The following IMMP2L variants were observed in gnomAD, a reference collection of about 807,000 sequenced individuals.
IMMP2L encodes inner mitochondrial membrane peptidase subunit 2, also known as mitochondrial inner membrane protease subunit 2.
A neutral mutation model predicts 19.3 loss-of-function variants in IMMP2L; 18 were observed. The observed-to-expected ratio is 0.93, with a 90% CI of 0.64 to 1.38. IMMP2L has a LOEUF of 1.38. Ranked by LOEUF, IMMP2L falls within the 40% of genes most tolerant of loss-of-function variation. The pLI, the probability that IMMP2L is intolerant of heterozygous loss-of-function variation, is 0.00. For missense variants in IMMP2L, 233 were observed against 218.2 expected (o/e 1.07, Z -0.43); for synonymous variants, 76 against 73.0 (o/e 1.04, Z -0.21).
At chr7:110,809,672 C>T (rs572801267) in intron 5 of IMMP2L, among the ~76,000 whole-genome samples, 2 of 152,018 alleles carry the variant, frequency 1.3e-5, no homozygotes, top group East Asian at 3.9e-4. Context: ...CTCAAATCTC[C>T]TAGAAAATAG....
At chr7:110,752,225 C>T (rs1297000962) in intron 5 of IMMP2L, among the ~76,000 whole-genome samples, 5 of 151,918 alleles carry the variant, frequency 3.3e-5, no homozygotes, top group Non-Finnish European at 7.4e-5. Flanking sequence ...TATATAATCT[C>T]TTCTGGTTCA....
chr7:111,405,726 C>G (rs1370607744), intron 3 of IMMP2L, among the ~76,000 whole-genome samples: 1 of 152,080 alleles, frequency 6.6e-6, no homozygotes, highest in Non-Finnish European at 1.5e-5. Flanking sequence ...AAGTGTTGGA[C>G]TACCCTAGGA....
At chr7:111,477,863 A>C (rs1436841153) in intron 3 of IMMP2L, among the ~76,000 whole-genome samples, 4 of 151,964 alleles carry the variant, frequency 2.6e-5, no homozygotes, top group African/African-American at 9.7e-5. Context: ...ATGCTATTGC[A>C]CTCCAGCCTG....
intron 3 of IMMP2L, among the ~76,000 whole-genome samples, chr7:110,967,315 C>T (rs915157028): frequency 3.9e-5 from 6 of 152,008 alleles, no homozygotes; most frequent in African/African-American, 7.2e-5. Flanking sequence ...CACTTGAAAG[C>T]TACTTTGGCA....
chr7:110,775,940 T>G (rs1447131931), intron 5 of IMMP2L, among the ~76,000 whole-genome samples: 1 of 149,730 alleles, frequency 6.7e-6, no homozygotes, highest in African/African-American at 2.5e-5. Context: ...AATACATGCA[T>G]AAAATAAGCA....
chr7:111,126,512 GAATTT>G (rs998633240), intron 3 of IMMP2L, among the ~76,000 whole-genome samples: 2 of 152,012 alleles, frequency 1.3e-5, no homozygotes, highest in South Asian at 4.1e-4. Context: ...AAACAATTAA[GAATTT>G]AATTTTTTAG....
Position 111,389,224 on chromosome 7 carries a change from C to G in IMMP2L, c.239+98014G>C, listed in dbSNP as rs1286981528. Reference sequence around the variant, plus strand: ...ACCCAAGTAGAGAAACAAAACATAGCTGTACTCTTCAGAAATGTCAAAATC... The same window carrying G: ...ACCCAAGTAGAGAAACAAAACATAGGTGTACTCTTCAGAAATGTCAAAATC... On this transcript the variant is annotated intron_variant, in intron 3 of 5. Transcript: ENST00000405709. Among the ~76,000 whole-genome samples the G allele has an allele frequency of 3.9e-5, 6 of 152,178 alleles. No individual in the cohort carries two copies. The East Asian group carries it at 1.2e-3, about 29-fold the overall frequency.
chr7:110,926,688 A>G (rs11976475), intron 4 of IMMP2L, among the ~76,000 whole-genome samples: 2,281 of 152,270 alleles, frequency 0.015, 62 homozygotes, highest in African/African-American at 0.052. Context: ...GGCTTTTGCA[A>G]CTTGTAGAAT....
chr7:111,507,611 C>G (rs1845051366), intron 2 of IMMP2L, among the ~76,000 whole-genome samples: 1 of 152,110 alleles, frequency 6.6e-6, no homozygotes, highest in Admixed American at 6.5e-5. Flanking sequence ...AAACTGCCAC[C>G]CAGTCCCCAA....
intron 3 of IMMP2L, among the ~76,000 whole-genome samples, chr7:111,093,562 A>G (rs987292082): frequency 1.3e-5 from 2 of 152,160 alleles, no homozygotes; most frequent in Non-Finnish European, 2.9e-5. Context: ...AACCCGCCTT[A>G]TTTTAAAATT....
At chr7:111,278,482 A>G (rs192119688) in intron 3 of IMMP2L, among the ~76,000 whole-genome samples, 1 of 152,308 alleles carries the variant, frequency 6.6e-6, no homozygotes, top group East Asian at 1.9e-4. Context: ...AGATAGTTTT[A>G]AAAATGAATG....
chr7:111,342,957 A>C (rs772329254), intron 3 of IMMP2L, among the ~76,000 whole-genome samples: 3 of 152,100 alleles, frequency 2.0e-5, no homozygotes, highest in Non-Finnish European at 4.4e-5. Context: ...ATTGCCTAAA[A>C]ATTTAAATAA....
chr7:111,175,973 T>C (rs1189983007), intron 3 of IMMP2L, among the ~76,000 whole-genome samples: 5 of 151,856 alleles, frequency 3.3e-5, no homozygotes, highest in Non-Finnish European at 1.5e-5. Context: ...TCTGAATAGA[T>C]ATTTCTCAAA....
At chr7:110,846,303 G>C (rs185954402) in intron 5 of IMMP2L, among the ~76,000 whole-genome samples, 1 of 151,578 alleles carries the variant, frequency 6.6e-6, no homozygotes, top group African/African-American at 2.4e-5. Context: ...GCTAAGGCCA[G>C]GATCCTGCCT....
At chr7:111,483,373 G>A (rs943728779) in intron 3 of IMMP2L, 2 of 152,014 alleles carry the variant, frequency 1.3e-5, no homozygotes, top group African/African-American at 4.8e-5. Context: ...CAATTCCAAG[G>A]TATAGAAAAT....
intron 3 of IMMP2L, among the ~76,000 whole-genome samples, chr7:111,179,691 G>A (rs1248464528): frequency 2.0e-5 from 3 of 152,112 alleles, no homozygotes; most frequent in Non-Finnish European, 4.4e-5. Context: ...AGCCAGCATT[G>A]ACTTCTCTCT....
At chr7:110,761,264 CG>C in intron 5 of IMMP2L, among the ~76,000 whole-genome samples, 1 of 152,190 alleles carries the variant, frequency 6.6e-6, no homozygotes, top group South Asian at 2.1e-4. Flanking sequence ...TGGTAAAAAA[CG>C]AAAATATAGC....
At chr7:111,432,423 A>G (rs993446812) in intron 3 of IMMP2L, among the ~76,000 whole-genome samples, 5 of 151,818 alleles carry the variant, frequency 3.3e-5, no homozygotes, top group Non-Finnish European at 4.4e-5. Flanking sequence ...ACACAAATTA[A>G]TAAATGTGAT....
chr7:111,490,696 TACTTA>T (rs1183817208), intron 2 of IMMP2L, among the ~76,000 whole-genome samples: 1 of 152,114 alleles, frequency 6.6e-6, no homozygotes, highest in African/African-American at 2.4e-5. Flanking sequence ...TTCAGCAAGT[TACTTA>T]ACTTCATTAT....
Sources: gnomAD v4.1 joint callset for allele counts (sites outside exome capture counted in the v4.1 genomes callset) on GRCh38, gnomAD v4.1.1 for gene constraint, MANE v1.5 for transcripts, NCBI Gene and HGNC (gene_info 2026-07-23, HGNC 2026-07-21) for gene names.